Variants in PLCXD3 observed in about 807,000 individuals in gnomAD.
PLCXD3 encodes phosphatidylinositol specific phospholipase C X domain containing 3.
Under a neutral mutation model 25.5 loss-of-function variants are expected in PLCXD3, and 19 were observed. That is an observed-to-expected ratio of 0.75 (90% CI 0.52 to 1.09). The LOEUF (loss-of-function observed/expected upper bound fraction) is 1.09, where lower values mean the gene tolerates loss of function less well. PLCXD3 is among the 50% of genes least tolerant of loss of function. The pLI is 0.00. For missense variants in PLCXD3, 411 were observed against 388.1 expected (o/e 1.06, Z -0.50); for synonymous variants, 174 against 137.6 (o/e 1.26, Z -1.85).
rs1364326668 is a variant in PLCXD3, at chr5:41,309,185, A to G, written c.*4432T>C. 3.9e-5 allele frequency: 6 copies of G among 152,578 alleles called. No individual in the cohort carries two copies. The highest frequency in any genetic ancestry group is 8.8e-5 in the Non-Finnish European group (6 of 68,004). 9.5% of individuals were successfully genotyped at this position (152,578 alleles called of 1,614,324 possible). The stretch of plus-strand genomic sequence containing the variant: ...AAATATACGTTTAAAACTATTACCT[A>G]CAAAATAGTATCACAATTGAAATAA... On this transcript the variant is annotated 3_prime_UTR_variant, in exon 3 of 3. Coordinates refer to ENST00000377801, the MANE Select transcript of PLCXD3 (RefSeq NM_001005473.3).
intron 2 of PLCXD3, among the ~76,000 whole-genome samples, chr5:41,374,361 G>A (rs1355868221): frequency 6.6e-6 from 1 of 152,132 alleles, no homozygotes; most frequent in East Asian, 1.9e-4. Flanking sequence ...GCTTTCTGGA[G>A]CTTCCTTTTG....
chr5:41,394,711 G>A (rs1745943866), intron 1 of PLCXD3, among the ~76,000 whole-genome samples: 1 of 152,032 alleles, frequency 6.6e-6, no homozygotes, highest in East Asian at 1.9e-4. Context: ...ACTAAAAGAA[G>A]AGACAAAGAA....
intron 1 of PLCXD3, among the ~76,000 whole-genome samples, chr5:41,420,885 A>C (rs1746804428): frequency 6.6e-6 from 1 of 152,134 alleles, no homozygotes; most frequent in Non-Finnish European, 1.5e-5. Context: ...CAATCATGTG[A>C]CCATATAACT....
chr5:41,387,776 G>A (rs1031680025), intron 1 of PLCXD3, among the ~76,000 whole-genome samples: 8 of 152,064 alleles, frequency 5.3e-5, no homozygotes, highest in African/African-American at 1.9e-4. Flanking sequence ...CCTGCTATAA[G>A]TGCTGTTATT....
chr5:41,415,530 C>T (rs1746673277), intron 1 of PLCXD3, among the ~76,000 whole-genome samples: 1 of 152,132 alleles, frequency 6.6e-6, no homozygotes, highest in Admixed American at 6.5e-5. Context: ...CATATGTTTC[C>T]TCTGACTATT....
intron 1 of PLCXD3, among the ~76,000 whole-genome samples, chr5:41,450,840 A>G (rs951191928): frequency 1.3e-5 from 2 of 152,106 alleles, no homozygotes; most frequent in African/African-American, 2.4e-5. Context: ...GAGATGGACA[A>G]AAGAGAAGTA....
chr5:41,468,978 A>T (rs1189190723), intron 1 of PLCXD3, among the ~76,000 whole-genome samples: 1 of 152,178 alleles, frequency 6.6e-6, no homozygotes, highest in Non-Finnish European at 1.5e-5. Flanking sequence ...AAAGCTTTCA[A>T]ATTTTCACCA....
At chr5:41,507,882 T>A (rs1163692555) in intron 1 of PLCXD3, among the ~76,000 whole-genome samples, 2 of 152,258 alleles carry the variant, frequency 1.3e-5, no homozygotes, top group South Asian at 2.1e-4. Flanking sequence ...ATTCCATTAG[T>A]GTTTAATAGT....
intron 1 of PLCXD3, among the ~76,000 whole-genome samples, chr5:41,429,289 G>T (rs143272578): frequency 6.7e-4 from 102 of 152,112 alleles, no homozygotes; most frequent in Middle Eastern, 3.4e-3. Context: ...GGATGAGACT[G>T]AAAACTCAAC....
chr5:41,403,343 AG>A (rs1746244043), intron 1 of PLCXD3, among the ~76,000 whole-genome samples: 1 of 142,096 alleles, frequency 7.0e-6, no homozygotes, highest in Non-Finnish European at 1.5e-5. Flanking sequence ...CATACAGAAA[AG>A]TACAAAATAA....
chr5:41,471,755 A>G (rs1015653865), intron 1 of PLCXD3, among the ~76,000 whole-genome samples: 7 of 149,576 alleles, frequency 4.7e-5, no homozygotes, highest in Non-Finnish European at 1.0e-4. Context: ...CCAAACAAAA[A>G]TAATAACTAC....
At chr5:41,413,565 C>A (rs894606059) in intron 1 of PLCXD3, among the ~76,000 whole-genome samples, 3 of 152,138 alleles carry the variant, frequency 2.0e-5, no homozygotes, top group Non-Finnish European at 4.4e-5. Context: ...GCCAATCCTG[C>A]CAAAGAGACT....
chr5:41,428,108 C>T (rs902585628), intron 1 of PLCXD3, among the ~76,000 whole-genome samples: 1 of 152,096 alleles, frequency 6.6e-6, no homozygotes, highest in African/African-American at 2.4e-5. Flanking sequence ...TAAACTTTGT[C>T]TCTCTCCCCA....
intron 1 of PLCXD3, among the ~76,000 whole-genome samples, chr5:41,440,750 T>C (rs1156681460): frequency 6.6e-6 from 1 of 152,160 alleles, no homozygotes; most frequent in African/African-American, 2.4e-5. Context: ...AAACCTGTTA[T>C]ACCTCACGAT....
intron 1 of PLCXD3, among the ~76,000 whole-genome samples, chr5:41,441,320 A>T (rs1186192515): frequency 6.6e-6 from 1 of 152,234 alleles, no homozygotes; most frequent in Non-Finnish European, 1.5e-5. Flanking sequence ...ACTAACTGAG[A>T]TGCGACTCTA....
chr5:41,355,599 A>T (rs1744597030), intron 2 of PLCXD3, among the ~76,000 whole-genome samples: 1 of 152,152 alleles, frequency 6.6e-6, no homozygotes, highest in South Asian at 2.1e-4. Flanking sequence ...CAGCTAGGGG[A>T]GCTGGAAGAC....
intron 1 of PLCXD3, among the ~76,000 whole-genome samples, chr5:41,447,426 T>G (rs771004965): frequency 2.0e-5 from 3 of 152,202 alleles, no homozygotes; most frequent in Non-Finnish European, 4.4e-5. Context: ...CATGTTATTT[T>G]CAATATCAAA....
At chr5:41,438,594 TGA>T (rs1747309388) in intron 1 of PLCXD3, among the ~76,000 whole-genome samples, 1 of 152,204 alleles carries the variant, frequency 6.6e-6, no homozygotes, top group South Asian at 2.1e-4. Flanking sequence ...CTCCCTTTGC[TGA>T]GAGTTCCTCT....
intron 1 of PLCXD3, among the ~76,000 whole-genome samples, chr5:41,404,347 A>G (rs2150500896): frequency 6.6e-6 from 1 of 152,166 alleles, no homozygotes; most frequent in East Asian, 1.9e-4. Context: ...TAATACTTAC[A>G]ATTCCTTATT....
Sources: allele counts gnomAD v4.1 joint callset (sites outside exome capture counted in the v4.1 genomes callset), GRCh38; gene constraint gnomAD v4.1.1; transcripts MANE v1.5; gene names NCBI Gene and HGNC (gene_info 2026-07-23, HGNC 2026-07-21).